Variants in VWA8 observed in about 807,000 individuals in gnomAD.
The protein encoded by VWA8 is von Willebrand factor A domain containing 8.
VWA8 carries 221 observed loss-of-function variants against 241.5 expected under a neutral mutation model. The ratio of observed to expected loss-of-function variants is 0.91; its 90% CI spans 0.82 to 1.02. The LOEUF (loss-of-function observed/expected upper bound fraction) is 1.02, where lower values mean the gene tolerates loss of function less well. Ranked by LOEUF, VWA8 falls within the 50% of genes least tolerant of loss-of-function variation. VWA8 has a pLI of 0.00. For missense variants in VWA8, 2,322 were observed against 2,328.7 expected, an observed-to-expected ratio of 1.00 and a Z score of 0.06; for synonymous variants, 852 against 827.1, an observed-to-expected ratio of 1.03 and a Z score of -0.52.
intron 13 of VWA8, among the ~76,000 whole-genome samples, chr13:41,833,119 T>C (rs558136491): frequency 1.3e-5 from 2 of 152,282 alleles, no homozygotes; most frequent in South Asian, 2.1e-4. Flanking sequence ...TGAAGCACTT[T>C]CTTTTTGCAG....
At chr13:41,691,812 A>G (rs1041248972) in intron 31 of VWA8, 62 bp downstream of exon 31, 1 of 1,284,356 alleles carries the variant, frequency 7.8e-7, no homozygotes, top group East Asian at 2.3e-5. Context: ...TATAATCAAA[A>G]TAGGAAATAG....
intron 20 of VWA8, among the ~76,000 whole-genome samples, chr13:41,766,909 T>G (rs906539882): frequency 2.0e-5 from 3 of 152,116 alleles, no homozygotes; most frequent in African/African-American, 7.2e-5. Flanking sequence ...TAAAATCACA[T>G]AAAACACGTC....
At chr13:41,815,751 T>C (rs959577350) in intron 16 of VWA8, among the ~76,000 whole-genome samples, 19 of 152,236 alleles carry the variant, frequency 1.2e-4, no homozygotes, top group South Asian at 4.1e-4. Flanking sequence ...CTTGTTACAA[T>C]AGCAACAGGA....
chr13:41,584,199 A>G (rs1343049506), intron 42 of VWA8, among the ~76,000 whole-genome samples: 1 of 152,116 alleles, frequency 6.6e-6, no homozygotes, highest in Admixed American at 6.5e-5. Flanking sequence ...AAAAGTTGGG[A>G]AATAAAGGAG....
intron 41 of VWA8, among the ~76,000 whole-genome samples, chr13:41,589,864 C>A (rs1024007450): frequency 2.0e-5 from 3 of 151,792 alleles, no homozygotes; most frequent in African/African-American, 4.8e-5. Context: ...CCCGTAAAAT[C>A]ATCTACACTT....
chr13:41,812,081 G>T (rs1221768184), intron 16 of VWA8, among the ~76,000 whole-genome samples: 1 of 152,068 alleles, frequency 6.6e-6, no homozygotes, highest in Non-Finnish European at 1.5e-5. Flanking sequence ...CCAAGGCTCA[G>T]TTCCCTCAAC....
In VWA8 at chr13:41,856,309, C is replaced by G. The variant is rs142794479; in HGVS notation, c.1425+9427G>C. Among the ~76,000 whole-genome samples, 908 of 152,270 alleles carry G rather than the reference C, an allele frequency of 6.0e-3. 4 individuals are homozygous for G. The highest frequency in any genetic ancestry group is 0.01 in the Admixed American group (159 of 15,294). On this transcript the variant is annotated intron_variant, in intron 12 of 44. Coordinates refer to ENST00000379310, the MANE Select transcript of VWA8 (RefSeq NM_015058.2). Reference sequence around the variant, plus strand: ...TGAGATCGCACCACCGCACTCTAGTCTGGGTGATAGAGCGAGACTTTGATC... The same window carrying G: ...TGAGATCGCACCACCGCACTCTAGTGTGGGTGATAGAGCGAGACTTTGATC...
intron 14 of VWA8, among the ~76,000 whole-genome samples, chr13:41,824,869 G>A (rs948860206): frequency 7.9e-5 from 12 of 151,280 alleles, no homozygotes; most frequent in African/African-American, 2.9e-4. Context: ...GAAGGGGAGA[G>A]GAGGGAAGGG....
chr13:41,575,629 GA>G, intron 43 of VWA8, 110 bp downstream of exon 43: 1 of 723,318 alleles, frequency 1.4e-6, no homozygotes, highest in East Asian at 2.7e-5. Context: ...GAATGTGTGT[GA>G]AACAGTCTTT....
intron 29 of VWA8, among the ~76,000 whole-genome samples, chr13:41,698,312 G>A (rs2045227893): frequency 1.3e-5 from 2 of 151,690 alleles, no homozygotes; most frequent in Admixed American, 1.3e-4. Context: ...TAGATAATAG[G>A]TATACAAAAA....
intron 24 of VWA8, among the ~76,000 whole-genome samples, chr13:41,724,924 C>T (rs1376222935): frequency 6.6e-6 from 1 of 152,084 alleles, no homozygotes; most frequent in Non-Finnish European, 1.5e-5. Flanking sequence ...AAAGGTCTAC[C>T]GAAGCACGGT....
At chr13:41,837,378 T>G (rs766574664) in intron 12 of VWA8, among the ~76,000 whole-genome samples, 4 of 152,208 alleles carry the variant, frequency 2.6e-5, no homozygotes, top group Non-Finnish European at 4.4e-5. Context: ...CCAATATTAG[T>G]TATTATCAGA....
intron 4 of VWA8, 94 bp downstream of exon 4, chr13:41,907,492 T>C: frequency 9.5e-7 from 1 of 1,053,066 alleles, no homozygotes; most frequent in Non-Finnish European, 1.5e-6. Context: ...AACTACCTTT[T>C]ACTGTTATAT....
At chr13:41,908,542 G>T (rs1179016258) in intron 3 of VWA8, among the ~76,000 whole-genome samples, 1 of 151,936 alleles carries the variant, frequency 6.6e-6, no homozygotes, top group Non-Finnish European at 1.5e-5. Flanking sequence ...AGTTGTAGGA[G>T]AAGTAGAAGG....
At chr13:41,885,279 T>C (rs1041899162) in intron 8 of VWA8, among the ~76,000 whole-genome samples, 7 of 152,228 alleles carry the variant, frequency 4.6e-5, no homozygotes, top group Admixed American at 6.5e-5. Flanking sequence ...ATTAAACACA[T>C]TTGCCTGTGC....
At chr13:41,643,828 C>T (rs1243223138) in intron 37 of VWA8, among the ~76,000 whole-genome samples, 1 of 151,798 alleles carries the variant, frequency 6.6e-6, no homozygotes, top group African/African-American at 2.4e-5. Context: ...CCAGAGAGGT[C>T]CCACTTTGCA....
rs531879888 is a variant in VWA8, at chr13:41,617,059, A to G, written c.4612-1975T>C. 4.6e-5 allele frequency among the ~76,000 whole-genome samples: 7 copies of G among 152,300 alleles called. No individual in the cohort carries two copies. In the South Asian group the frequency reaches 1.5e-3, roughly 32 times the overall value. On this transcript the variant is annotated intron_variant, in intron 37 of 44. Transcript: ENST00000379310. ...AAAACAAAAAAACTATATGAAAGGT[A>G]TGATTACAGTCTAAATTTTTTTAAA...
At chr13:41,581,040 T>C (rs7333398) in intron 42 of VWA8, among the ~76,000 whole-genome samples, 46,758 of 91,440 alleles carry the variant, frequency 0.51, 14,212 homozygotes, top group South Asian at 0.6. Flanking sequence ...CTCGCTGTCG[T>C]CCAGGCTGGA....
chr13:41,874,019 G>C (rs1463141996), intron 9 of VWA8, among the ~76,000 whole-genome samples: 1 of 152,116 alleles, frequency 6.6e-6, no homozygotes, highest in South Asian at 2.1e-4. Flanking sequence ...GGGATGCAAG[G>C]CTGGTTCAAT....
Sources: gnomAD v4.1 joint callset for allele counts (sites outside exome capture counted in the v4.1 genomes callset) on GRCh38, gnomAD v4.1.1 for gene constraint, MANE v1.5 for transcripts, NCBI Gene and HGNC (gene_info 2026-07-23, HGNC 2026-07-21) for gene names.